COL25A1: variants seen among roughly 807,000 people sequenced by gnomAD.
COL25A1 encodes collagen alpha-1(XXV) chain.
A neutral mutation model predicts 128.4 loss-of-function variants in COL25A1; 103 were observed. That is an observed-to-expected ratio of 0.80 (90% CI 0.68 to 0.94). COL25A1 has a LOEUF of 0.94. Ranked by LOEUF, COL25A1 falls within the 40% of genes least tolerant of loss-of-function variation. The pLI, the probability that COL25A1 is intolerant of heterozygous loss-of-function variation, is 0.00. For synonymous variants in COL25A1, 279 were observed against 277.2 expected, an observed-to-expected ratio of 1.01 and a Z score of -0.06; for missense variants, 745 against 840.0, an observed-to-expected ratio of 0.89 and a Z score of 1.40.
At chr4:109,197,161 T>TA (rs1776108151) in intron 3 of COL25A1, among the ~76,000 whole-genome samples, 1 of 149,806 alleles carries the variant, frequency 6.7e-6, no homozygotes, top group Non-Finnish European at 1.5e-5. Flanking sequence ...CTACTAAAAA[T>TA]AAAAAATAAA....
At chr4:108,948,716 CGAT>C (rs1258211023) in intron 8 of COL25A1, among the ~76,000 whole-genome samples, 1 of 151,770 alleles carries the variant, frequency 6.6e-6, no homozygotes, top group East Asian at 1.9e-4. Context: ...TTTTATATGT[CGAT>C]GATAAGTGTA....
intron 30 of COL25A1, among the ~76,000 whole-genome samples, 183 bp downstream of exon 30, chr4:108,844,336 T>G (rs192097124): frequency 3.3e-5 from 5 of 152,324 alleles, no homozygotes; most frequent in Admixed American, 2.0e-4. Context: ...CCAACATATG[T>G]GTTTGGGAGA....
At chr4:109,281,278 C>A (rs1365587619) in intron 3 of COL25A1, among the ~76,000 whole-genome samples, 1 of 152,066 alleles carries the variant, frequency 6.6e-6, no homozygotes, top group East Asian at 1.9e-4. Context: ...AGCCAGAATG[C>A]CATCAAGTAA....
chr4:109,132,389 A>C (rs1769303229), intron 3 of COL25A1, among the ~76,000 whole-genome samples: 1 of 152,182 alleles, frequency 6.6e-6, no homozygotes, highest in Non-Finnish European at 1.5e-5. Context: ...TGAACCCAAT[A>C]CTAACAGATC....
chr4:109,089,224 G>A (rs1343025213), intron 3 of COL25A1, among the ~76,000 whole-genome samples: 1 of 152,150 alleles, frequency 6.6e-6, no homozygotes, highest in Non-Finnish European at 1.5e-5. Flanking sequence ...TAACCTTACA[G>A]AGAAAGGACC....
At chr4:108,939,753 T>G (rs1747861895) in intron 10 of COL25A1, among the ~76,000 whole-genome samples, 1 of 152,128 alleles carries the variant, frequency 6.6e-6, no homozygotes, top group African/African-American at 2.4e-5. Context: ...TAATTTCTAG[T>G]CCTAAAGTCA....
Position 108,846,415 on chromosome 4 carries a change from G to A in COL25A1, c.1435-196C>T, listed in dbSNP as rs550973359. ...AATCAGTACTATTTCTCCTTGTAAT[G>A]AAATAGATTAAGTTCTATTAGGCCA... On this transcript the variant is annotated intron_variant, in intron 27 of 37. Transcript: ENST00000399132. Among the ~76,000 whole-genome samples the A allele has an allele frequency of 1.3e-4, 20 of 152,152 alleles. 1 individual carries two copies. Among genetic ancestry groups the A allele is most frequent in the Non-Finnish European group, 2.2e-4 (15 of 68,032 alleles).
At chr4:108,979,864 G>C (rs1752793346) in intron 6 of COL25A1, among the ~76,000 whole-genome samples, 2 of 152,162 alleles carry the variant, frequency 1.3e-5, no homozygotes, top group African/African-American at 2.4e-5. Flanking sequence ...GGAGTACAGA[G>C]CAGAAAGAGG....
intron 3 of COL25A1, among the ~76,000 whole-genome samples, chr4:109,059,014 A>C (rs1479912299): frequency 6.6e-6 from 1 of 152,250 alleles, no homozygotes; most frequent in African/African-American, 2.4e-5. Context: ...GCACAGGCAT[A>C]CTAAAACAAT....
At chr4:108,971,251 A>G (rs1451279440) in intron 8 of COL25A1, among the ~76,000 whole-genome samples, 3 of 152,316 alleles carry the variant, frequency 2.0e-5, no homozygotes, top group East Asian at 3.9e-4. Context: ...CCATAATGAT[A>G]TAACAATATT....
At chr4:108,906,262 G>C (rs1743510530) in intron 13 of COL25A1, among the ~76,000 whole-genome samples, 1 of 151,988 alleles carries the variant, frequency 6.6e-6, no homozygotes, top group East Asian at 1.9e-4. Flanking sequence ...CCTTGCTCCA[G>C]TGTGGAAAGC....
intron 5 of COL25A1, among the ~76,000 whole-genome samples, chr4:109,016,943 C>T (rs564535123): frequency 6.6e-6 from 1 of 152,306 alleles, no homozygotes; most frequent in Non-Finnish European, 1.5e-5. Flanking sequence ...TAACACAGAG[C>T]TTAAACCCCT....
intron 20 of COL25A1, among the ~76,000 whole-genome samples, chr4:108,863,855 G>T (rs1204930541): frequency 1.1e-4 from 16 of 152,138 alleles, no homozygotes. Flanking sequence ...TTTGGGACTT[G>T]TACCAGTGCC....
At chr4:109,025,882 T>C (rs1758216493) in intron 5 of COL25A1, among the ~76,000 whole-genome samples, 1 of 152,100 alleles carries the variant, frequency 6.6e-6, no homozygotes, top group Non-Finnish European at 1.5e-5. Context: ...AAATAACGTT[T>C]CCTTAGTCAA....
chr4:108,863,213 T>A, intron 21 of COL25A1, 106 bp downstream of exon 21: 1 of 1,006,850 alleles, frequency 9.9e-7, no homozygotes, highest in Admixed American at 2.1e-5. Flanking sequence ...AAACTATTTG[T>A]GATTTGGGCT....
At chr4:109,021,705 A>G in intron 5 of COL25A1, 1 of 453,160 alleles carries the variant, frequency 2.2e-6, no homozygotes, top group Non-Finnish European at 4.4e-6. Context: ...CAAGTAGAAG[A>G]GATATCACCA....
chr4:109,183,818 A>T (rs563790312), intron 3 of COL25A1, among the ~76,000 whole-genome samples: 3 of 152,058 alleles, frequency 2.0e-5, no homozygotes, highest in African/African-American at 7.2e-5. Context: ...TAATAGCATC[A>T]TGATTTCCAG....
intron 3 of COL25A1, among the ~76,000 whole-genome samples, chr4:109,192,465 T>G (rs1468377016): frequency 6.6e-6 from 1 of 150,440 alleles, no homozygotes; most frequent in African/African-American, 2.5e-5. Context: ...CCTCAAAATG[T>G]CAGTTTTTAA....
intron 3 of COL25A1, among the ~76,000 whole-genome samples, chr4:109,069,325 C>T (rs1762725900): frequency 6.6e-6 from 1 of 151,886 alleles, no homozygotes; most frequent in Non-Finnish European, 1.5e-5. Flanking sequence ...AATTCTCTCA[C>T]CTGAGCCTCC....
Sources: allele counts gnomAD v4.1 joint callset (sites outside exome capture counted in the v4.1 genomes callset), GRCh38; gene constraint gnomAD v4.1.1; transcripts MANE v1.5; gene names NCBI Gene and HGNC (gene_info 2026-07-23, HGNC 2026-07-21).